Variants in CREBBP observed in about 807,000 individuals in gnomAD.
The protein encoded by CREBBP is CREB-binding protein.
Under a neutral mutation model 265.0 loss-of-function variants are expected in CREBBP, and 19 were observed. The ratio of observed to expected loss-of-function variants is 0.07; its 90% confidence interval spans 0.05 to 0.11. CREBBP has a LOEUF of 0.11. Ranked by LOEUF, CREBBP falls within the 10% of genes least tolerant of loss-of-function variation. The pLI is 1.00. For missense variants in CREBBP, 2,525 were observed against 3,219.0 expected, an observed-to-expected ratio of 0.78 and a Z score of 5.22; for synonymous variants, 1,457 against 1,223.7, an observed-to-expected ratio of 1.19 and a Z score of -3.98.
Position 3,877,837 on chromosome 16 carries a change from T to C in CREBBP, c.85+1995A>G, listed in dbSNP as rs769283652. Among the ~76,000 whole-genome samples the C allele has an allele frequency of 2.4e-4, 36 of 152,248 alleles. 1 individual carries two copies. Among genetic ancestry groups the C allele is most frequent in the Non-Finnish European group, 4.8e-4 (33 of 68,044 alleles). ...TAAGTATGATGTTGACTTTCTACTTTGGATTAAATCGGAGCCATTTAAAGC... is the reference window on the plus strand; with the variant it reads ...TAAGTATGATGTTGACTTTCTACTTCGGATTAAATCGGAGCCATTTAAAGC... On this transcript the variant is annotated intron_variant, in intron 1 of 30. Transcript: ENST00000262367.
intron 3 of CREBBP, among the ~76,000 whole-genome samples, chr16:3,803,271 GGGGGGGGGGT>G (rs2053759803): frequency 7.8e-5 from 3 of 38,638 alleles, no homozygotes; most frequent in Admixed American, 1.9e-4. Flanking sequence ...GGGGAGGGGG[GGGGGGGGGGT>G]GGATCACGAG....
At chr16:3,781,733 A>G (rs911490524) in intron 6 of CREBBP, among the ~76,000 whole-genome samples, 3 of 152,244 alleles carry the variant, frequency 2.0e-5, no homozygotes, top group Non-Finnish European at 2.9e-5. Context: ...CAGGAAAAAA[A>G]TATAGAGGTC....
intron 7 of CREBBP, 100 bp from the exon 8 acceptor site, chr16:3,780,978 T>C: frequency 1.4e-6 from 2 of 1,408,668 alleles, no homozygotes; most frequent in Non-Finnish European, 2.0e-6. Flanking sequence ...TTTTAAAAGT[T>C]TAAGTCAGGA....
At chr16:3,778,362 A>C (rs2053195229) in intron 9 of CREBBP, among the ~76,000 whole-genome samples, 180 bp from the exon 10 acceptor site, 1 of 152,262 alleles carries the variant, frequency 6.6e-6, no homozygotes, top group Non-Finnish European at 1.5e-5. Context: ...TTTATAGGAC[A>C]TATCAAATAG....
intron 1 of CREBBP, among the ~76,000 whole-genome samples, chr16:3,864,231 G>T (rs1424318088): frequency 6.6e-6 from 1 of 152,222 alleles, no homozygotes; most frequent in Non-Finnish European, 1.5e-5. Flanking sequence ...AGTCAAGAAA[G>T]GGGGAAAGAG....
At chr16:3,747,706 TA>T (rs1478016392) in intron 21 of CREBBP, among the ~76,000 whole-genome samples, 1 of 152,210 alleles carries the variant, frequency 6.6e-6, no homozygotes, top group Non-Finnish European at 1.5e-5. Flanking sequence ...CTCACGCCTG[TA>T]ATCCCAGCAC....
At position 3,769,309 on chromosome 16, in the gene CREBBP, G is replaced by C. The variant is rs2141192243; in HGVS notation, c.2925C>G (p.Pro975=). 2 of 1,614,200 alleles carry C rather than the reference G, an allele frequency of 1.2e-6. No homozygotes were observed. The highest frequency in any genetic ancestry group is 1.3e-5 in the African/African-American group (1 of 75,044). Residue 975 remains proline (P), a synonymous_variant, in exon 15 of 31, where the codon CCC becomes CCG. Transcript: ENST00000262367. ...TGGTTTCTGCGCTGGCCACCGAGGA[G>C]GGGGTAGGGACTCTGTTATCAATGC... is the stretch of plus-strand genomic sequence containing the variant. ...AASIDNRVPT[P]SSVASAETNS...
At chr16:3,739,855 C>A (rs1596812554) in intron 24 of CREBBP, 131 bp from the exon 25 acceptor site, 1 of 1,288,832 alleles carries the variant, frequency 7.8e-7, no homozygotes, top group African/African-American at 1.5e-5. Flanking sequence ...CAGACCGTGG[C>A]CTGGAGTCCT....
intron 19 of CREBBP, among the ~76,000 whole-genome samples, chr16:3,756,057 A>G (rs2052578981): frequency 6.6e-6 from 1 of 152,214 alleles, no homozygotes; most frequent in Non-Finnish European, 1.5e-5. Context: ...ATTAAAACAC[A>G]TAACCATAAA....
Position 3,726,863 on chromosome 16 carries a change from G to A in CREBBP, c.*855C>T. 4.3e-6 allele frequency: 1 copy of A among 233,592 alleles called. No individual in the cohort carries two copies. The highest frequency in any genetic ancestry group is 8.5e-6 in the Non-Finnish European group (1 of 118,036). The allele number at this position is 233,592 out of a possible 1,614,324, so 14.5% of individuals were successfully genotyped here. On this transcript the variant is annotated 3_prime_UTR_variant, in exon 31 of 31. Transcript: ENST00000262367. The stretch of plus-strand genomic sequence containing the variant: ...TATTTAACAATATGATATAAGAAAT[G>A]AGTTGGTATTTTACCATTCTATACA...
Position 3,814,164 on chromosome 16 carries a change from AGTGTGTGTGT to A in CREBBP, c.799-3395_799-3386del, listed in dbSNP as rs35866243. On this transcript the variant is annotated intron_variant, in intron 2 of 30. Coordinates refer to ENST00000262367, the MANE Select transcript of CREBBP (RefSeq NM_004380.3). Reference sequence around the variant, plus strand: ...CTTTTCTAACTGGTCAATGTTGTTTAGTGTGTGTGTGTGTGTGTGTGTGTGTGTGTGTTTG... The same window carrying A: ...CTTTTCTAACTGGTCAATGTTGTTTAGTGTGTGTGTGTGTGTGTGTGTTTG... 2.3e-3 allele frequency among the ~76,000 whole-genome samples: 277 copies of A among 119,766 alleles called. 1 individual carries two copies. Among genetic ancestry groups the A allele is most frequent in the Middle Eastern group, 8.9e-3 (2 of 224 alleles). 78.6% of individuals were successfully genotyped at this position (119,766 alleles called of 152,430 possible).
chr16:3,738,510 A>G, intron 26 of CREBBP, 49 bp downstream of exon 26: 1 of 1,142,740 alleles, frequency 8.8e-7, no homozygotes, highest in Non-Finnish European at 1.3e-6. Context: ...AACATACAGT[A>G]AAAAATAAAG....
chr16:3,748,895 C>T (rs2052410098), intron 21 of CREBBP, among the ~76,000 whole-genome samples: 1 of 152,198 alleles, frequency 6.6e-6, no homozygotes, highest in Non-Finnish European at 1.5e-5. Context: ...CCTGGAATCC[C>T]AGCACTTTGG....
intron 2 of CREBBP, among the ~76,000 whole-genome samples, chr16:3,846,471 T>C (rs1271280228): frequency 6.6e-6 from 1 of 152,198 alleles, no homozygotes; most frequent in African/African-American, 2.4e-5. Context: ...ATCTAGCAGA[T>C]ATGGTCACTC....
At chr16:3,800,222 A>T (rs2053685071) in intron 3 of CREBBP, among the ~76,000 whole-genome samples, 1 of 152,072 alleles carries the variant, frequency 6.6e-6, no homozygotes, top group African/African-American at 2.4e-5. Context: ...GGCTCAAGCG[A>T]TCCTCTCACC....
chr16:3,822,502 C>T (rs969550540), intron 2 of CREBBP, among the ~76,000 whole-genome samples: 26 of 152,102 alleles, frequency 1.7e-4, no homozygotes, highest in Admixed American at 1.5e-3. Flanking sequence ...CTGGGCAGGC[C>T]GTCAGCTCTA....
Position 3,770,626 on chromosome 16 carries a change from GGGT to G in CREBBP, c.2821_2823del (p.Thr941del). ...GTCGGCTGTTGCTGCGATGACTGAG[GGGT>G]AGCCACAGACGGGGGCTGAACTGGG... On this transcript the variant is annotated inframe_deletion, in exon 14 of 31. Coordinates refer to ENST00000262367, the MANE Select transcript of CREBBP (RefSeq NM_004380.3). The G allele has an allele frequency of 6.2e-7, 1 of 1,613,978 alleles. No homozygotes were observed. Among genetic ancestry groups the G allele is most frequent in the Non-Finnish European group, 8.5e-7 (1 of 1,180,044 alleles).
chr16:3,854,545 C>G (rs2530890), intron 1 of CREBBP, among the ~76,000 whole-genome samples: 19,295 of 152,268 alleles, frequency 0.13, 1,584 homozygotes, highest in Non-Finnish European at 0.19. Flanking sequence ...CTAACCCTAA[C>G]AGACCCATCA....
chr16:3,865,487 G>A (rs1019409656), intron 1 of CREBBP, among the ~76,000 whole-genome samples: 18 of 152,128 alleles, frequency 1.2e-4, no homozygotes, highest in African/African-American at 4.1e-4. Context: ...AGTCAACAGC[G>A]TCTGCCTGAA....
Sources: gnomAD v4.1 joint callset for allele counts (sites outside exome capture counted in the v4.1 genomes callset) on GRCh38, gnomAD v4.1.1 for gene constraint, MANE v1.5 for transcripts, NCBI Gene and HGNC (gene_info 2026-07-23, HGNC 2026-07-21) for gene names.